Variants in ACSM3 observed in about 807,000 individuals in gnomAD.
ACSM3 encodes acyl-coenzyme A synthetase ACSM3, mitochondrial.
A neutral mutation model predicts 74.1 loss-of-function variants in ACSM3; 61 were observed. The ratio of observed to expected loss-of-function variants is 0.82; its 90% CI spans 0.67 to 1.02. ACSM3 has a LOEUF of 1.02. Among genes scored for constraint, ACSM3 ranks in the 50% least tolerant of loss-of-function variants. The probability of loss-of-function intolerance (pLI) is 0.00; values close to 1 mark genes in which losing one functional copy is unlikely to be tolerated. For missense variants in ACSM3, 660 were observed against 697.0 expected, an observed-to-expected ratio of 0.95 and a Z score of 0.60; for synonymous variants, 213 against 241.5, an observed-to-expected ratio of 0.88 and a Z score of 1.09.
At chr16:20,676,060 C>G (rs1359366550) in intron 1 of ACSM3, 1 of 152,242 alleles carries the variant, frequency 6.6e-6, no homozygotes, top group Non-Finnish European at 1.5e-5. Context: ...CAATCTACCT[C>G]CCTTTACCAA....
chr16:20,752,919 T>G (rs1054261876), intron 2 of ACSM3, among the ~76,000 whole-genome samples: 3 of 152,180 alleles, frequency 2.0e-5, no homozygotes, highest in Admixed American at 2.0e-4. Flanking sequence ...GATTTAACTA[T>G]TAGTTTATAG....
intron 1 of ACSM3, among the ~76,000 whole-genome samples, chr16:20,684,519 C>T (rs758959080): frequency 4.6e-5 from 7 of 152,206 alleles, no homozygotes; most frequent in African/African-American, 1.4e-4. Context: ...TCCTGCCTAA[C>T]GTGTCTAATC....
At chr16:20,737,960 A>G (rs1011682244) in intron 1 of ACSM3, 32 of 1,572,654 alleles carry the variant, frequency 2.0e-5, no homozygotes, top group Non-Finnish European at 2.6e-5. Context: ...TCAGGCTCTT[A>G]AGAAAAAAAA....
chr16:20,681,325 C>T (rs1259277024), intron 1 of ACSM3: 1 of 152,218 alleles, frequency 6.6e-6, no homozygotes, highest in Non-Finnish European at 1.5e-5. Flanking sequence ...ATTTAACCAA[C>T]TGTTGCCTAG....
chr16:20,680,137 T>C (rs1296107682), intron 1 of ACSM3: 1 of 152,190 alleles, frequency 6.6e-6, no homozygotes, highest in Non-Finnish European at 1.5e-5. Flanking sequence ...TGCTAAGTAG[T>C]ATGTTAACCA....
At chr16:20,754,269 G>T (rs1042373579) in intron 2 of ACSM3, among the ~76,000 whole-genome samples, 11 of 152,208 alleles carry the variant, frequency 7.2e-5, no homozygotes, top group African/African-American at 2.7e-4. Context: ...ATGTAGTGGG[G>T]TTGTCAGAGA....
intron 1 of ACSM3, chr16:20,741,778 G>C (rs1201128727): frequency 1.3e-6 from 2 of 1,549,626 alleles, no homozygotes; most frequent in South Asian, 2.4e-5. Flanking sequence ...ACGTTTCTCC[G>C]CTGCTGTTGG....
chr16:20,741,481 G>GGGGGGGGGGGCCCCCCC, intron 1 of ACSM3: 4 of 1,308,412 alleles, frequency 3.1e-6, no homozygotes, highest in Non-Finnish European at 3.0e-6. Context: ...CTGGCAGCCG[G>GGGGGGGGGGGCCCCCCC]CCCGCCCGCC....
At chr16:20,741,389 C>T in intron 1 of ACSM3, 1 of 1,285,976 alleles carries the variant, frequency 7.8e-7, no homozygotes, top group Non-Finnish European at 1.0e-6. Flanking sequence ...GGCCACGCCC[C>T]TACAGCCGTC....
At chr16:20,755,445 A>C (rs2080021546) in intron 2 of ACSM3, 1 of 152,132 alleles carries the variant, frequency 6.6e-6, no homozygotes. Flanking sequence ...AATATATATC[A>C]GCAAAAAATA....
At chr16:20,697,223 T>C (rs1567318211) in intron 1 of ACSM3, among the ~76,000 whole-genome samples, 1 of 152,102 alleles carries the variant, frequency 6.6e-6, no homozygotes, top group Admixed American at 6.5e-5. Flanking sequence ...CAGGCATGTA[T>C]TACTATGCTT....
chr16:20,721,285 A>T (rs1245770887), intron 1 of ACSM3: 1 of 152,296 alleles, frequency 6.6e-6, no homozygotes, highest in East Asian at 1.9e-4. Context: ...GCTTTAAAAA[A>T]GGCATGTGTG....
intron 7 of ACSM3, chr16:20,783,548 G>T (rs2080399404): frequency 6.6e-6 from 1 of 152,038 alleles, no homozygotes; most frequent in Non-Finnish European, 1.5e-5. Flanking sequence ...TCAGATTAAG[G>T]ATACTCAACA....
chr16:20,794,776 G>A (rs1306010465), intron 12 of ACSM3, among the ~76,000 whole-genome samples: 1 of 152,126 alleles, frequency 6.6e-6, no homozygotes, highest in East Asian at 1.9e-4. Context: ...GGAAACTGAG[G>A]CACAAAGAGA....
intron 1 of ACSM3, chr16:20,731,608 TA>T (rs1447448911): frequency 3.2e-6 from 1 of 312,848 alleles, no homozygotes; most frequent in Non-Finnish European, 5.9e-6. Context: ...CAAGATAAAT[TA>T]TCTGTTGCAG....
intron 1 of ACSM3, among the ~76,000 whole-genome samples, chr16:20,733,320 T>C (rs889222624): frequency 1.4e-4 from 21 of 151,976 alleles, no homozygotes; most frequent in Admixed American, 1.3e-3. Flanking sequence ...ATATCCTAAA[T>C]GTTCAAGACA....
intron 1 of ACSM3, among the ~76,000 whole-genome samples, chr16:20,715,049 T>C (rs1434363161): frequency 1.3e-5 from 2 of 152,102 alleles, no homozygotes; most frequent in Non-Finnish European, 2.9e-5. Flanking sequence ...AGTAGGTAAA[T>C]AGATAGACAG....
upstream of ACSM3, among the ~76,000 whole-genome samples, chr16:20,762,620 G>A (rs2080087082): frequency 6.6e-6 from 1 of 152,116 alleles, no homozygotes; most frequent in Admixed American, 6.5e-5. Flanking sequence ...TTCAATATTA[G>A]AAGATCAGTG....
intron 1 of ACSM3, chr16:20,729,503 G>C: frequency 3.2e-6 from 2 of 617,964 alleles, no homozygotes; most frequent in Middle Eastern, 2.7e-4. Context: ...TGAGCATCCA[G>C]CAGTTGTCAA....
Sources: gnomAD v4.1 joint callset for allele counts (sites outside exome capture counted in the v4.1 genomes callset) on GRCh38, gnomAD v4.1.1 for gene constraint, MANE v1.5 for transcripts, NCBI Gene and HGNC (gene_info 2026-07-23, HGNC 2026-07-21) for gene names.